Variants in LRP3 observed in about 807,000 individuals in gnomAD.
LRP3 encodes the protein LDL receptor related protein 3.
In LRP3, 49 loss-of-function variants were observed where a neutral mutation model predicts 58.5. The observed-to-expected ratio is 0.84, with a 90% CI of 0.67 to 1.06. The LOEUF (loss-of-function observed/expected upper bound fraction) is 1.06, where lower values mean the gene tolerates loss of function less well. LRP3 is among the 50% of genes least tolerant of loss of function. The pLI is 0.00. For missense variants in LRP3, 1,019 were observed against 1,134.2 expected, an observed-to-expected ratio of 0.90 and a Z score of 1.46; for synonymous variants, 485 against 492.2, an observed-to-expected ratio of 0.99 and a Z score of 0.20.
chr19:33,196,354 AC>A (rs1271702065), intron 1 of LRP3, among the ~76,000 whole-genome samples: 3 of 152,134 alleles, frequency 2.0e-5, no homozygotes, highest in African/African-American at 7.2e-5. Context: ...GGAGTTTAAG[AC>A]CAGCCTGAGC....
At chr19:33,194,973 C>A in intron 1 of LRP3, 115 bp downstream of exon 1, 1 of 383,672 alleles carries the variant, frequency 2.6e-6, no homozygotes. Context: ...CGCGGTGGCT[C>A]CCGCGCGGAG....
Position 33,208,820 on chromosome 19 carries a change from T to G in LRP3, c.*1245T>G. 1 of 1,601,862 alleles carries G rather than the reference T, an allele frequency of 6.2e-7. No individual in the cohort carries two copies. Among genetic ancestry groups the G allele is most frequent in the East Asian group, 2.2e-5 (1 of 44,666 alleles). On this transcript the variant is annotated 3_prime_UTR_variant, in exon 7 of 7. Transcript: ENST00000253193. The surrounding 1 kb of genome is among the most constrained non-coding windows in gnomAD (Gnocchi z 4.7). ...TTTCCAGAAAAAAACAAAACAAAAC[T>G]TTTTTGCCAAAACACCTCCTCAATA... is the stretch of plus-strand genomic sequence containing the variant.
intron 1 of LRP3, among the ~76,000 whole-genome samples, chr19:33,195,328 C>T (rs1974274733): frequency 6.6e-6 from 1 of 152,188 alleles, no homozygotes; most frequent in Non-Finnish European, 1.5e-5. Context: ...AGGCGGCTTC[C>T]AGGGGACTCC....
chr19:33,207,207 GACCC>G lies in LRP3; in HGVS notation c.1946_1949del (p.Asp649AlafsTer59). 6.4e-7 allele frequency: 1 copy of G among 1,556,792 alleles called. No individual in the cohort carries two copies. Among genetic ancestry groups the G allele is most frequent in the Non-Finnish European group, 8.6e-7 (1 of 1,156,868 alleles). On this transcript the variant is annotated frameshift_variant, in exon 7 of 7. Coordinates refer to ENST00000253193, the MANE Select transcript of LRP3 (RefSeq NM_002333.4). LOFTEE classifies it low-confidence loss of function (END_TRUNC). ...CCAGCCTGCTCCAGGGGCTGCCCCCGACCCCCCAGCACCGCTCATGGACACAGGC... is the reference window on the plus strand; with the variant it reads ...CCAGCCTGCTCCAGGGGCTGCCCCCGCCCAGCACCGCTCATGGACACAGGC...
At position 33,205,503 on chromosome 19, in the gene LRP3, G is replaced by A; in HGVS notation, c.733G>A (p.Asp245Asn). ...CTTGCAGGACTGCGGCGACGGCTCG[G>A]ATGAGGCGGGCTGCCCCGACCTGGC... Reference protein sequence around the residue: ...DGLQDCGDGSDEAGCPDLACG... With the variant: ...DGLQDCGDGSNEAGCPDLACG... Residue 245 changes from aspartate (D) to asparagine (N), a missense_variant, in exon 5 of 7, where the codon GAT becomes AAT. Asp to Asn is a conservative substitution (Grantham distance 23). This residue lies in a region of LRP3 where 592 missense variants were observed against 725.5 expected (regional missense o/e 0.82). Transcript: ENST00000253193. The A allele has an allele frequency of 6.4e-7, 1 of 1,557,514 alleles. No homozygotes were observed. The highest frequency in any genetic ancestry group is 8.6e-7 in the Non-Finnish European group (1 of 1,156,936).
Position 33,194,385 on chromosome 19 carries a change from G to A in LRP3, c.-401G>A, listed in dbSNP as rs1568379532. 6.9e-6 allele frequency among the ~76,000 whole-genome samples: 1 copy of A among 145,166 alleles called. No individual in the cohort carries two copies. Among genetic ancestry groups the A allele is most frequent in the Non-Finnish European group, 1.5e-5 (1 of 65,438 alleles). On this transcript the variant is annotated 5_prime_UTR_variant, in exon 1 of 7. Transcript: ENST00000253193. ...CCCGGCCGGGCGGGCTGGGCGCAGCGCGGGGCGGCCCGGGGACGCCGGGGC... is the reference window on the plus strand; with the variant it reads ...CCCGGCCGGGCGGGCTGGGCGCAGCACGGGGCGGCCCGGGGACGCCGGGGC...
Position 33,194,810 on chromosome 19 carries a change from C to A in LRP3, c.25C>A (p.Leu9Met), listed in dbSNP as rs1199699359. MEKRAAAG[L>M]EGAPGARAQL... Reference sequence around the variant, plus strand: ...CATGGAGAAGCGCGCGGCCGCGGGGCTGGAGGGCGCGCCGGGCGCCCGGGC... The same window carrying A: ...CATGGAGAAGCGCGCGGCCGCGGGGATGGAGGGCGCGCCGGGCGCCCGGGC... Residue 9 changes from leucine (L) to methionine (M), a missense_variant, in exon 1 of 7, where the codon CTG becomes ATG. By Grantham distance (15) the Leu-to-Met change is conservative. Transcript: ENST00000253193. 2 of 1,071,294 alleles carry A rather than the reference C, an allele frequency of 1.9e-6. No individual in the cohort carries two copies. The highest frequency in any genetic ancestry group is 1.7e-5 in the African/African-American group (1 of 58,504). 66.4% of individuals were successfully genotyped at this position (1,071,294 alleles called of 1,614,324 possible).
rs1974290335 is a variant in LRP3 at position 33,196,793 on chromosome 19, C to A, written c.121+16C>A. ...CCTGCCTTAGGTAAGTAAGCACTTT[C>A]TCTCCTTCCTCCACTCCTTCAGTCC... On this transcript the variant is annotated intron_variant, in intron 2 of 6. Coordinates refer to ENST00000253193, the MANE Select transcript of LRP3 (RefSeq NM_002333.4). 1 of 1,613,158 alleles carries A rather than the reference C, an allele frequency of 6.2e-7. No individual in the cohort carries two copies. Among genetic ancestry groups the A allele is most frequent in the African/African-American group, 1.3e-5 (1 of 74,924 alleles).
chr19:33,204,345 T>G, intron 3 of LRP3: 4 of 430,048 alleles, frequency 9.3e-6, no homozygotes, highest in Non-Finnish European at 1.7e-5. Context: ...GGGCTGGGGG[T>G]ACTGTGTGCA....
In LRP3 at chr19:33,194,723, C is replaced by G. The variant is rs1974266580; in HGVS notation, c.-63C>G. The stretch of plus-strand genomic sequence containing the variant: ...GCAGCCAGAGCCAGAGCCGGAGCCG[C>G]AGCCGGAACCGGAGCCGGAGCCGCG... On this transcript the variant is annotated 5_prime_UTR_variant, in exon 1 of 7. Coordinates refer to ENST00000253193, the MANE Select transcript of LRP3 (RefSeq NM_002333.4). 1 of 531,460 alleles carries G rather than the reference C, an allele frequency of 1.9e-6. No individual in the cohort carries two copies. Among genetic ancestry groups the G allele is most frequent in the Non-Finnish European group, 2.4e-6 (1 of 415,524 alleles). The allele number at this position is 531,460 out of a possible 1,614,324, so 32.9% of individuals were successfully genotyped here.
rs1170649259 is a variant in LRP3, at chr19:33,205,857, C to A, written c.1087C>A (p.Gln363Lys). Residue 363 changes from glutamine (Q) to lysine (K), a missense_variant, in exon 5 of 7, where the codon CAG becomes AAG. Physicochemically the swap from Gln to Lys is moderately conservative, Grantham distance 53. Coordinates refer to ENST00000253193, the MANE Select transcript of LRP3 (RefSeq NM_002333.4). ...SAGHGFNATY[Q>K]VKGYCLPWEQ... ...CGGCCACGGCTTCAATGCCACCTAC[C>A]AGGTGAAGGGCTATTGCCTCCCCTG... is the stretch of plus-strand genomic sequence containing the variant. 9.4e-6 allele frequency: 15 copies of A among 1,599,798 alleles called. No individual in the cohort carries two copies. The highest frequency in any genetic ancestry group is 1.2e-5 in the Non-Finnish European group (14 of 1,172,868).
rs1974465929 is a variant in LRP3, at chr19:33,208,821, T to A, written c.*1246T>A. ...TTCCAGAAAAAAACAAAACAAAACT[T>A]TTTTGCCAAAACACCTCCTCAATAA... On this transcript the variant is annotated 3_prime_UTR_variant, in exon 7 of 7. Coordinates refer to ENST00000253193, the MANE Select transcript of LRP3 (RefSeq NM_002333.4). This position sits in a 1 kb window ranked among gnomAD's most constrained non-coding sequence, Gnocchi z 4.7. The A allele has an allele frequency of 3.7e-6, 6 of 1,605,742 alleles. No homozygotes were observed. The highest frequency in any genetic ancestry group is 1.1e-5 in the South Asian group (1 of 89,420).
At position 33,207,586 on chromosome 19, in the gene LRP3, C is replaced by A; in HGVS notation, c.*11C>A. The A allele has an allele frequency of 6.4e-7, 1 of 1,564,338 alleles. No homozygotes were observed. Among genetic ancestry groups the A allele is most frequent in the African/African-American group, 1.3e-5 (1 of 74,418 alleles). ...CTGTTGGTCTGTTGACCGCTGGGCT[C>A]GCTGGTGACCGCCACAGCCCCGCTT... On this transcript the variant is annotated 3_prime_UTR_variant, in exon 7 of 7. Coordinates refer to ENST00000253193, the MANE Select transcript of LRP3 (RefSeq NM_002333.4).
At chr19:33,196,222 C>T (rs1400180874) in intron 1 of LRP3, among the ~76,000 whole-genome samples, 2 of 152,152 alleles carry the variant, frequency 1.3e-5, no homozygotes, top group East Asian at 1.9e-4. Context: ...TGCTGCTGGG[C>T]GAGCAAAGCC....
At chr19:33,202,785 C>G (rs1418302055) in intron 2 of LRP3, 63 bp from the exon 3 acceptor site, 7 of 1,511,570 alleles carry the variant, frequency 4.6e-6, no homozygotes, top group Non-Finnish European at 6.2e-6. Context: ...CCCCCTTCCC[C>G]CCACTGCAAC....
In LRP3 at chr19:33,205,692, G is replaced by T. The variant is rs762589974; in HGVS notation, c.922G>T (p.Val308Leu). The stretch of plus-strand genomic sequence containing the variant: ...ACTGCGGCTGGGCTATGACGACTAC[G>T]TGCAGGTATACGAGGGCCTGGGCGA... ...LELRLGYDDY[V>L]QVYEGLGERG... Residue 308 changes from valine (V) to leucine (L), a missense_variant, in exon 5 of 7, where the codon GTG becomes TTG. Physicochemically the swap from Val to Leu is conservative, Grantham distance 32. Around this residue, in one of 2 missense-constraint regions of LRP3, gnomAD observed 592 missense variants for 725.5 expected, o/e 0.82. Transcript: ENST00000253193. 5 of 1,606,716 alleles carry T rather than the reference G, an allele frequency of 3.1e-6. No homozygotes were observed. The highest frequency in any genetic ancestry group is 4.2e-6 in the Non-Finnish European group (5 of 1,179,266).
chr19:33,202,701 G>T, intron 2 of LRP3, 147 bp from the exon 3 acceptor site: 1 of 867,992 alleles, frequency 1.2e-6, no homozygotes. Context: ...GAAGTCACAA[G>T]TTGTGGCCTT....
At position 33,205,970 on chromosome 19, in the gene LRP3, C is replaced by G; in HGVS notation, c.1200C>G (p.Gly400=). Residue 400 remains glycine, a synonymous_variant, in exon 5 of 7, where the codon GGC becomes GGG. Coordinates refer to ENST00000253193, the MANE Select transcript of LRP3 (RefSeq NM_002333.4). ...TCTCAGAGCCACAGCGCTGTGATGG[C>G]TGGTGGCATTGTGCCAGCGGCCGAG... ...GCFSEPQRCD[G]WWHCASGRDE... 6.3e-7 allele frequency: 1 copy of G among 1,581,896 alleles called. No homozygotes were observed.
At chr19:33,195,245 G>A (rs1974273907) in intron 1 of LRP3, among the ~76,000 whole-genome samples, 1 of 152,244 alleles carries the variant, frequency 6.6e-6, no homozygotes, top group South Asian at 2.1e-4. Context: ...CCCGGAGTTG[G>A]GGTGGGGGCT....
Sources: allele counts gnomAD v4.1 joint callset (sites outside exome capture counted in the v4.1 genomes callset), GRCh38; gene constraint gnomAD v4.1.1; regional missense constraint gnomAD v4.1.1; non-coding constraint Gnocchi (gnomAD v3.1); transcripts MANE v1.5; gene names NCBI Gene and HGNC (gene_info 2026-07-23, HGNC 2026-07-21).